Variants in GRIP1 observed in about 807,000 individuals in gnomAD.
The protein encoded by GRIP1 is glutamate receptor-interacting protein 1.
GRIP1 carries 45 observed loss-of-function variants against 129.9 expected under a neutral mutation model. The observed-to-expected ratio is 0.35, with a 90% CI of 0.27 to 0.44. The LOEUF is 0.44. GRIP1 is among the 20% of genes least tolerant of loss of function. The probability of loss-of-function intolerance (pLI) is 1.00; values close to 1 mark genes in which losing one functional copy is unlikely to be tolerated. For synonymous variants in GRIP1, 530 were observed against 520.8 expected, an observed-to-expected ratio of 1.02 and a Z score of -0.24; for missense variants, 1,196 against 1,396.8, an observed-to-expected ratio of 0.86 and a Z score of 2.29.
rs1020076827 is a variant in GRIP1, at chr12:66,435,188, A to C, written c.1688-2560T>G. Among the ~76,000 whole-genome samples the C allele has an allele frequency of 2.0e-5, 3 of 146,678 alleles. No homozygotes were observed. In the Admixed American group the frequency reaches 2.2e-4, roughly 11 times the overall value. On this transcript the variant is annotated intron_variant, in intron 13 of 24. Coordinates refer to ENST00000359742, the MANE Select transcript of GRIP1 (RefSeq NM_001366722.1). Reference sequence around the variant, plus strand: ...CATCACTATTTGTAGAACTCATTTCACAAACGTGTGACCATTTTTTTTTTT... The same window carrying C: ...CATCACTATTTGTAGAACTCATTTCCCAAACGTGTGACCATTTTTTTTTTT...
intron 1 of GRIP1, among the ~76,000 whole-genome samples, chr12:66,824,988 C>T (rs2039384872): frequency 6.6e-6 from 1 of 152,024 alleles, no homozygotes; most frequent in South Asian, 2.1e-4. Flanking sequence ...CCTTGATAAA[C>T]AAATCATTCT....
intron 1 of GRIP1, among the ~76,000 whole-genome samples, chr12:66,649,035 T>A (rs922931194): frequency 1.3e-5 from 2 of 152,138 alleles, no homozygotes; most frequent in African/African-American, 4.8e-5. Flanking sequence ...CACAGGGGGT[T>A]AAGCAAAGAA....
intron 1 of GRIP1, among the ~76,000 whole-genome samples, chr12:66,720,272 C>T (rs1012967238): frequency 5.3e-5 from 8 of 152,154 alleles, no homozygotes; most frequent in Non-Finnish European, 1.5e-5. Context: ...AATGTACATA[C>T]CCTAATTAAA....
intron 15 of GRIP1, among the ~76,000 whole-genome samples, chr12:66,413,027 G>A (rs1486267181): frequency 1.3e-5 from 2 of 151,950 alleles, no homozygotes; most frequent in African/African-American, 2.4e-5. Flanking sequence ...GTAACACCCC[G>A]CTGACAATAT....
chr12:66,628,817 CG>C (rs987760066), intron 1 of GRIP1, among the ~76,000 whole-genome samples: 9 of 152,148 alleles, frequency 5.9e-5, no homozygotes, highest in African/African-American at 2.2e-4. Context: ...AAGAATGATC[CG>C]GCCCAAAATG....
At chr12:66,964,908 C>G (rs905250369) in intron 1 of GRIP1, among the ~76,000 whole-genome samples, 1 of 152,070 alleles carries the variant, frequency 6.6e-6, no homozygotes, top group Non-Finnish European at 1.5e-5. Context: ...ATGGTCTTTC[C>G]TCTTTACACG....
intron 1 of GRIP1, among the ~76,000 whole-genome samples, chr12:66,603,542 C>G (rs73325131): frequency 0.014 from 2,118 of 152,302 alleles, 57 homozygotes; most frequent in African/African-American, 0.049. Flanking sequence ...TATGCACGTT[C>G]ATGTTTGGAA....
chr12:66,569,434 C>T (rs571368000), intron 2 of GRIP1, among the ~76,000 whole-genome samples: 1 of 152,202 alleles, frequency 6.6e-6, no homozygotes, highest in South Asian at 2.1e-4. Context: ...CCAAGATTGC[C>T]CCACTACACT....
At chr12:66,959,643 C>T (rs1260017040) in intron 1 of GRIP1, among the ~76,000 whole-genome samples, 1 of 151,946 alleles carries the variant, frequency 6.6e-6, no homozygotes, top group East Asian at 1.9e-4. Flanking sequence ...AAAACAGGCA[C>T]CAAAAATTGA....
At chr12:66,635,329 C>T (rs138781664) in intron 1 of GRIP1, among the ~76,000 whole-genome samples, 8 of 151,022 alleles carry the variant, frequency 5.3e-5, no homozygotes, top group African/African-American at 1.9e-4. Context: ...GTGGCTGAAG[C>T]AAGAGGATCA....
At chr12:66,528,135 T>G (rs1052876092) in intron 5 of GRIP1, among the ~76,000 whole-genome samples, 2 of 90,598 alleles carry the variant, frequency 2.2e-5, no homozygotes, top group African/African-American at 1.2e-4. Flanking sequence ...AATTAGTAGG[T>G]TTTTTTTTTT....
At chr12:66,593,506 C>T (rs1273479644) in intron 2 of GRIP1, among the ~76,000 whole-genome samples, 1 of 152,198 alleles carries the variant, frequency 6.6e-6, no homozygotes, top group Middle Eastern at 3.4e-3. Flanking sequence ...ATTAAGAAGC[C>T]TTATTTCTGT....
intron 1 of GRIP1, among the ~76,000 whole-genome samples, chr12:66,698,659 G>GC (rs1012462938): frequency 2.0e-5 from 3 of 151,894 alleles, no homozygotes; most frequent in African/African-American, 7.3e-5. Context: ...TAATAGTCTG[G>GC]CCCCCCACCT....
At chr12:66,829,770 C>T (rs2039484552) in intron 1 of GRIP1, among the ~76,000 whole-genome samples, 1 of 152,192 alleles carries the variant, frequency 6.6e-6, no homozygotes, top group African/African-American at 2.4e-5. Flanking sequence ...TATTACCTCT[C>T]AGTTTCAGGT....
intron 23 of GRIP1, among the ~76,000 whole-genome samples, chr12:66,354,955 AT>A (rs2054407323): frequency 6.6e-6 from 1 of 152,124 alleles, no homozygotes. Context: ...CACTGGGGTT[AT>A]GTACCCGCTC....
At chr12:66,754,389 C>G (rs921995432) in intron 1 of GRIP1, among the ~76,000 whole-genome samples, 1 of 152,198 alleles carries the variant, frequency 6.6e-6, no homozygotes, top group South Asian at 2.1e-4. Context: ...AAAGCTGCAA[C>G]ACACACCGCA....
intron 1 of GRIP1, among the ~76,000 whole-genome samples, chr12:66,725,380 C>T (rs2036220174): frequency 6.6e-6 from 1 of 151,992 alleles, no homozygotes; most frequent in Non-Finnish European, 1.5e-5. Context: ...TAAACACTAA[C>T]AAAATTTTAA....
chr12:67,067,574 G>T (rs752403758), intron 1 of GRIP1, among the ~76,000 whole-genome samples: 2 of 152,158 alleles, frequency 1.3e-5, no homozygotes, highest in Non-Finnish European at 2.9e-5. Flanking sequence ...AAGGTCACCT[G>T]CCAGAAAGTG....
chr12:66,556,672 G>T (rs537185787), intron 2 of GRIP1, among the ~76,000 whole-genome samples: 1 of 151,642 alleles, frequency 6.6e-6, no homozygotes, highest in Non-Finnish European at 1.5e-5. Flanking sequence ...ATGTTAAAAA[G>T]CAGGGGGACA....
Sources: allele counts gnomAD v4.1 joint callset (sites outside exome capture counted in the v4.1 genomes callset), GRCh38; gene constraint gnomAD v4.1.1; transcripts MANE v1.5; gene names NCBI Gene and HGNC (gene_info 2026-07-23, HGNC 2026-07-21).